The following SNX16 variants were observed in gnomAD, a reference collection of about 807,000 sequenced individuals.
SNX16 encodes sorting nexin 16, also known as sorting nexin-16.
In SNX16, 35 loss-of-function variants were observed where a neutral mutation model predicts 36.7. The ratio of observed to expected loss-of-function variants is 0.95; its 90% CI spans 0.73 to 1.27. The LOEUF is 1.27. Among genes scored for constraint, SNX16 ranks in the 50% most tolerant of loss-of-function variants. The pLI is 0.00. For missense variants in SNX16, 367 were observed against 393.6 expected (o/e 0.93, Z 0.57); for synonymous variants, 134 against 132.0 (o/e 1.02, Z -0.10).
chr8:81,824,204 C>A (rs1420129934), intron 3 of SNX16, among the ~76,000 whole-genome samples: 2 of 152,062 alleles, frequency 1.3e-5, no homozygotes, highest in African/African-American at 4.8e-5. Flanking sequence ...GGTGTAGAAC[C>A]ATTTCATTCT....
At chr8:81,832,166 C>T (rs1472992897) in intron 2 of SNX16, among the ~76,000 whole-genome samples, 1 of 152,182 alleles carries the variant, frequency 6.6e-6, no homozygotes, top group Non-Finnish European at 1.5e-5. Context: ...ATCATCCTAG[C>T]TGTCCATCAA....
intron 5 of SNX16, chr8:81,808,053 T>G: frequency 1.0e-6 from 1 of 976,004 alleles, no homozygotes; most frequent in Non-Finnish European, 1.6e-6. Context: ...CAAGGGAAGA[T>G]TCTCAAAGAC....
chr8:81,802,466 A>T lies in SNX16; in HGVS notation c.852T>A (p.Asp284Glu), dbSNP rs901919189. The part of the protein sequence containing the change: ...TLSLEPEESL[D>E]VSETEGEQIL... ...TCTGTTCACCTTCTGTTTCTGACAC[A>T]TCCAGTGATTCTTCAGGTTCTAAAG... is the stretch of plus-strand genomic sequence containing the variant. Residue 284 changes from aspartate to glutamate, a missense_variant, in exon 7 of 8, where the codon GAT (aspartate) becomes GAA (glutamate). Coordinates refer to ENST00000345957, the MANE Select transcript of SNX16 (RefSeq NM_152836.3). 1.9e-6 allele frequency: 3 copies of T among 1,609,508 alleles called. No homozygotes were observed. Among genetic ancestry groups the T allele is most frequent in the Non-Finnish European group, 2.5e-6 (3 of 1,177,262 alleles).
chr8:81,812,141 T>A (rs1810284946), intron 5 of SNX16, among the ~76,000 whole-genome samples: 2 of 151,488 alleles, frequency 1.3e-5, no homozygotes, highest in South Asian at 4.2e-4. Flanking sequence ...AAAAAGCAAT[T>A]GAAGAAAAAT....
At chr8:81,815,131 A>G (rs1810423144) in intron 5 of SNX16, 194 bp downstream of exon 5, 1 of 324,942 alleles carries the variant, frequency 3.1e-6, no homozygotes, top group African/African-American at 2.1e-5. Context: ...ATGAATTTTT[A>G]CTTTTTCACT....
At chr8:81,822,957 TATATATATATATATATATACAC>T (rs1810828535) in intron 4 of SNX16, among the ~76,000 whole-genome samples, 1 of 79,450 alleles carries the variant, frequency 1.3e-5, no homozygotes, top group South Asian at 4.8e-4. Context: ...CATATATATA[TATATATATATATATATATACAC>T]ATATGTGTGT....
At chr8:81,820,350 T>C (rs1181109649) in intron 4 of SNX16, among the ~76,000 whole-genome samples, 2 of 152,106 alleles carry the variant, frequency 1.3e-5, no homozygotes, top group Non-Finnish European at 2.9e-5. Flanking sequence ...CAACTACTAT[T>C]TGAATTTAGA....
At position 81,801,612 on chromosome 8, in the gene SNX16, A is replaced by T. The variant is rs181444975; in HGVS notation, c.939-19T>A. 7.1e-7 allele frequency: 1 copy of T among 1,409,210 alleles called. No individual in the cohort carries two copies. 87.3% of individuals were successfully genotyped at this position (1,409,210 alleles called of 1,614,324 possible). ...ATCAGCTCTGCAAAAAAAAAAAAAA[A>T]AGGAACATATCAATGATGGGACTGG... On this transcript the variant is annotated intron_variant, in intron 7 of 7. Coordinates refer to ENST00000345957, the MANE Select transcript of SNX16 (RefSeq NM_152836.3).
chr8:81,811,990 T>A (rs1444910635), intron 5 of SNX16, among the ~76,000 whole-genome samples: 2 of 151,908 alleles, frequency 1.3e-5, no homozygotes, highest in African/African-American at 4.8e-5. Context: ...AGTTAAAAAA[T>A]AAGCAATTGA....
At position 81,825,081 on chromosome 8, in the gene SNX16, CTG is replaced by C. The variant is rs538652881; in HGVS notation, c.463-1143_463-1142del. ...TCCAAGAAAGCAAGCCAGAATGAAA[CTG>C]TGCACTTCTTGTAATCTAGGCTTAA... is the stretch of plus-strand genomic sequence containing the variant. On this transcript the variant is annotated intron_variant, in intron 3 of 7. Transcript: ENST00000345957. 2.9e-3 allele frequency among the ~76,000 whole-genome samples: 448 copies of C among 152,268 alleles called. 2 individuals carry two copies. Among genetic ancestry groups the C allele is most frequent in the African/African-American group, 0.01 (433 of 41,560 alleles).
chr8:81,800,762 T>A lies in SNX16; in HGVS notation c.*735A>T, dbSNP rs974745573. On this transcript the variant is annotated 3_prime_UTR_variant, in exon 8 of 8. Coordinates refer to ENST00000345957, the MANE Select transcript of SNX16 (RefSeq NM_152836.3). ...AGTATTCTGAAAGAGGCAAACTCAC[T>A]AAATCTAGGTAGAGATAAAGATTAC... The A allele has an allele frequency of 1.3e-5, 2 of 152,208 alleles. No individual in the cohort carries two copies. The highest frequency in any genetic ancestry group is 4.8e-5 in the African/African-American group (2 of 41,440). 9.4% of individuals were successfully genotyped at this position (152,208 alleles called of 1,614,324 possible).
chr8:81,830,351 T>C (rs1355868833), intron 2 of SNX16, among the ~76,000 whole-genome samples: 1 of 151,698 alleles, frequency 6.6e-6, no homozygotes, highest in Non-Finnish European at 1.5e-5. Flanking sequence ...GGGCGGATCA[T>C]GGGGGTCAGG....
At chr8:81,837,402 G>A (rs888404253) in intron 2 of SNX16, among the ~76,000 whole-genome samples, 1 of 152,062 alleles carries the variant, frequency 6.6e-6, no homozygotes, top group African/African-American at 2.4e-5. Context: ...CATATCATCT[G>A]TCTTAGTCTG....
chr8:81,840,100 A>G lies in SNX16; in HGVS notation c.-96-18T>C, dbSNP rs12056633. 1.1e-3 allele frequency: 1,456 copies of G among 1,267,434 alleles called. 20 individuals carry two copies. In the East Asian group the frequency reaches 0.027, roughly 23 times the overall value. The allele number at this position is 1,267,434 out of a possible 1,614,324, so 78.5% of individuals were successfully genotyped here. On this transcript the variant is annotated intron_variant, in intron 1 of 7. Coordinates refer to ENST00000345957, the MANE Select transcript of SNX16 (RefSeq NM_152836.3). ...TTCACTATCTAAAAATGAAAAGGACATATTAAAAGGTTAGTCTTTAATGTG... is the reference window on the plus strand; with the variant it reads ...TTCACTATCTAAAAATGAAAAGGACGTATTAAAAGGTTAGTCTTTAATGTG...
At chr8:81,837,669 C>A (rs1811551723) in intron 2 of SNX16, among the ~76,000 whole-genome samples, 1 of 152,186 alleles carries the variant, frequency 6.6e-6, no homozygotes, top group Non-Finnish European at 1.5e-5. Flanking sequence ...GACCTACTGG[C>A]TTCCAAAAGC....
intron 7 of SNX16, among the ~76,000 whole-genome samples, chr8:81,801,892 T>C (rs1809713428): frequency 6.6e-6 from 1 of 151,746 alleles, no homozygotes; most frequent in Admixed American, 6.6e-5. Flanking sequence ...CTCAGAATTA[T>C]AGTTGACCAT....
At chr8:81,820,601 ATTATTT>A (rs765079155) in intron 4 of SNX16, among the ~76,000 whole-genome samples, 5,166 of 152,000 alleles carry the variant, frequency 0.034, 143 homozygotes, top group Non-Finnish European at 0.052. Flanking sequence ...ATACTTTCTA[ATTATTT>A]GTTTCTGACT....
intron 3 of SNX16, among the ~76,000 whole-genome samples, chr8:81,825,205 T>C (rs1306365812): frequency 1.6e-4 from 24 of 152,192 alleles, no homozygotes; most frequent in Admixed American, 1.6e-3. Flanking sequence ...TATCTCTTGA[T>C]GGGCAGTGGC....
rs774229555 is a variant in SNX16, at chr8:81,839,592, C to T, written c.375+20G>A. ...CAATCTTTCACTTTGTAGTGTTATA[C>T]AGCAGAAGTCAATACTTACAGTAAA... On this transcript the variant is annotated intron_variant, in intron 2 of 7. Coordinates refer to ENST00000345957, the MANE Select transcript of SNX16 (RefSeq NM_152836.3). The T allele has an allele frequency of 2.5e-6, 4 of 1,591,676 alleles. No homozygotes were observed. The highest frequency in any genetic ancestry group is 3.4e-5 in the Admixed American group (2 of 58,210).
Sources: gnomAD v4.1 joint callset for allele counts (sites outside exome capture counted in the v4.1 genomes callset) on GRCh38, gnomAD v4.1.1 for gene constraint, MANE v1.5 for transcripts, NCBI Gene and HGNC (gene_info 2026-07-23, HGNC 2026-07-21) for gene names.